The following ZEB2 variants were observed in gnomAD, a reference collection of about 807,000 sequenced individuals.
ZEB2 encodes zinc finger E-box-binding homeobox 2.
ZEB2 carries 6 observed loss-of-function variants against 99.9 expected under a neutral mutation model. The ratio of observed to expected loss-of-function variants is 0.06; its 90% CI spans 0.03 to 0.12. The LOEUF (loss-of-function observed/expected upper bound fraction) is 0.12. Among genes scored for constraint, ZEB2 ranks in the 10% least tolerant of loss-of-function variants. The pLI, the probability that ZEB2 is intolerant of heterozygous loss-of-function variation, is 1.00. For synonymous variants in ZEB2, 517 were observed against 542.5 expected (o/e 0.95, Z 0.65); for missense variants, 969 against 1,502.8 (o/e 0.64, Z 5.87).
At chr2:144,394,557 TCTTTA>T (rs1560604152) in intron 9 of ZEB2, 1 of 152,254 alleles carries the variant, frequency 6.6e-6, no homozygotes, top group African/African-American at 2.4e-5. Context: ...TATGAAAATA[TCTTTA>T]CTTTGTAAAT....
At position 144,429,696 on chromosome 2, in the gene ZEB2, C is replaced by G. The variant is rs145236143; in HGVS notation, c.331+73G>C. The stretch of plus-strand genomic sequence containing the variant: ...TTTTAATTATTTGGTTGTGGGCGAT[C>G]TGCTAGGTGGAACAGATTAGTTGAA... On this transcript the variant is annotated intron_variant, in intron 3 of 9. Coordinates refer to ENST00000627532, the MANE Select transcript of ZEB2 (RefSeq NM_014795.4). The G allele has an allele frequency of 4.7e-4, 758 of 1,610,150 alleles. 2 individuals carry two copies. In the African/African-American group the frequency reaches 9.0e-3, roughly 19 times the overall value.
At chr2:144,419,782 CTT>C (rs747408522) in intron 4 of ZEB2, among the ~76,000 whole-genome samples, 1 of 151,660 alleles carries the variant, frequency 6.6e-6, no homozygotes, top group Non-Finnish European at 1.5e-5. Context: ...AATTTTGTTC[CTT>C]TTTTAAAAAA....
chr2:144,445,520 C>A (rs1186392206), intron 2 of ZEB2, among the ~76,000 whole-genome samples: 1 of 152,066 alleles, frequency 6.6e-6, no homozygotes, highest in Non-Finnish European at 1.5e-5. Flanking sequence ...CTTAGTTAAG[C>A]TGATTACAGA....
In ZEB2 at chr2:144,399,279, C is replaced by A. The variant is rs769385296; in HGVS notation, c.1908G>T (p.Leu636Phe). Reference protein sequence around the residue: ...GVFVDNKALLLSSVLSEKGMT... With the variant: ...GVFVDNKALLFSSVLSEKGMT... Reference sequence around the variant, plus strand: ...TTCCTTTCTCAGAAAGTACAGATGACAAGAGGAGGGCTTTATTATCAACAA... The same window carrying A: ...TTCCTTTCTCAGAAAGTACAGATGAAAAGAGGAGGGCTTTATTATCAACAA... The change falls in exon 8 of 10, where the codon TTG (leucine) becomes TTT (phenylalanine). Residue 636 changes from leucine to phenylalanine, a missense_variant. Physicochemically the swap from Leu to Phe is conservative, Grantham distance 22. Transcript: ENST00000627532. This position sits in a 1 kb window ranked among gnomAD's most constrained non-coding sequence, Gnocchi z 5.6. 1 of 1,614,058 alleles carries A rather than the reference C, an allele frequency of 6.2e-7. No individual in the cohort carries two copies. Among genetic ancestry groups the A allele is most frequent in the East Asian group, 2.2e-5 (1 of 44,884 alleles).
At chr2:144,451,980 T>C (rs1704060612) in intron 2 of ZEB2, among the ~76,000 whole-genome samples, 1 of 152,186 alleles carries the variant, frequency 6.6e-6, no homozygotes, top group Non-Finnish European at 1.5e-5. Flanking sequence ...TCCTATGTGT[T>C]TGATAGTTGT....
chr2:144,464,038 T>C (rs1365778464), intron 2 of ZEB2: 2 of 152,198 alleles, frequency 1.3e-5, no homozygotes, highest in African/African-American at 4.8e-5. Flanking sequence ...AGCTAATATG[T>C]ATACAAAACA....
At chr2:144,422,101 C>T (rs1288999605) in intron 4 of ZEB2, among the ~76,000 whole-genome samples, 1 of 152,188 alleles carries the variant, frequency 6.6e-6, no homozygotes, top group Non-Finnish European at 1.5e-5. Flanking sequence ...ACTGTCTCCA[C>T]CTTAGGACAA....
At chr2:144,403,534 C>T (rs1428858296) in intron 6 of ZEB2, among the ~76,000 whole-genome samples, 3 of 151,830 alleles carry the variant, frequency 2.0e-5, no homozygotes, top group Non-Finnish European at 2.9e-5. Context: ...TGACTTAGAT[C>T]CTATATGAAA....
chr2:144,484,369 G>A (rs1704564289), intron 2 of ZEB2, among the ~76,000 whole-genome samples: 1 of 152,184 alleles, frequency 6.6e-6, no homozygotes, highest in Admixed American at 6.5e-5. Flanking sequence ...TTAAGGATGT[G>A]TCCAAGGCCA....
chr2:144,464,695 G>T (rs1052638256), intron 2 of ZEB2, among the ~76,000 whole-genome samples: 1 of 152,044 alleles, frequency 6.6e-6, no homozygotes, highest in Non-Finnish European at 1.5e-5. Context: ...GCAAAACTCA[G>T]TACACACAGT....
chr2:144,427,506 C>T (rs1358392895), intron 3 of ZEB2: 4 of 152,114 alleles, frequency 2.6e-5, no homozygotes, highest in Non-Finnish European at 5.9e-5. Context: ...CTAAATAAAA[C>T]TGCACCAGAA....
At chr2:144,513,284 T>C in intron 2 of ZEB2, 1 of 1,290,712 alleles carries the variant, frequency 7.7e-7, no homozygotes, top group Non-Finnish European at 1.0e-6. Context: ...TTTCTGCTCT[T>C]CTGATTGTTT....
chr2:144,498,022 A>T (rs1397250193), intron 2 of ZEB2, among the ~76,000 whole-genome samples: 1 of 46,782 alleles, frequency 2.1e-5, no homozygotes, highest in African/African-American at 7.3e-5. Flanking sequence ...TTAATATTAT[A>T]TATTATATAA....
intron 2 of ZEB2, among the ~76,000 whole-genome samples, chr2:144,441,164 C>CGAGAGAGAGAGAGAGAGA (rs113731061): frequency 0.01 from 932 of 88,886 alleles, 73 homozygotes; most frequent in African/African-American, 0.028. Context: ...TTTAGCTGCA[C>CGAGAGAGAGAGAGAGAGA]GAGAGAGAGA....
chr2:144,412,218 G>A (rs1703474763), intron 4 of ZEB2, among the ~76,000 whole-genome samples: 1 of 152,198 alleles, frequency 6.6e-6, no homozygotes, highest in African/African-American at 2.4e-5. Context: ...GCGGTGAGCC[G>A]AGATCGTGCC....
At chr2:144,429,713 T>C (rs1194326961) in intron 3 of ZEB2, 56 bp downstream of exon 3, 1 of 1,612,886 alleles carries the variant, frequency 6.2e-7, no homozygotes, top group Admixed American at 1.7e-5. Flanking sequence ...GTGGAACAGA[T>C]TAGTTGAAGA....
At chr2:144,417,228 G>T (rs905168841) in intron 4 of ZEB2, among the ~76,000 whole-genome samples, 1 of 152,036 alleles carries the variant, frequency 6.6e-6, no homozygotes, top group Non-Finnish European at 1.5e-5. Context: ...TTGTCATTAT[G>T]ATTTTTTTTT....
At chr2:144,490,649 A>C (rs939176318) in intron 2 of ZEB2, among the ~76,000 whole-genome samples, 1 of 152,214 alleles carries the variant, frequency 6.6e-6, no homozygotes, top group Non-Finnish European at 1.5e-5. Context: ...GCCTAAAAAG[A>C]GCCTCGATGA....
intron 2 of ZEB2, among the ~76,000 whole-genome samples, chr2:144,478,444 G>GTA (rs1171513048): frequency 6.6e-6 from 1 of 152,192 alleles, no homozygotes; most frequent in Admixed American, 6.5e-5. Context: ...CAAAAGAGTT[G>GTA]TATATGTGTG....
Sources: allele counts gnomAD v4.1 joint callset (sites outside exome capture counted in the v4.1 genomes callset), GRCh38; gene constraint gnomAD v4.1.1; non-coding constraint Gnocchi (gnomAD v3.1); transcripts MANE v1.5; gene names NCBI Gene and HGNC (gene_info 2026-07-23, HGNC 2026-07-21).